The following AKAP8 variants were observed in gnomAD, a reference collection of about 807,000 sequenced individuals.
AKAP8 encodes the protein A-kinase anchor protein 8.
Under a neutral mutation model 67.5 loss-of-function variants are expected in AKAP8, and 24 were observed. The observed-to-expected ratio is 0.36, with a 90% confidence interval of 0.26 to 0.50. The LOEUF (loss-of-function observed/expected upper bound fraction) is 0.50. AKAP8 is among the 20% of genes least tolerant of loss of function. AKAP8 has a pLI of 0.97. For synonymous variants in AKAP8, 400 were observed against 371.1 expected (o/e 1.08, Z -0.90); for missense variants, 971 against 955.9 (o/e 1.02, Z -0.21).
chr19:15,357,239 G>A (rs143854995), intron 13 of AKAP8, among the ~76,000 whole-genome samples: 106 of 151,454 alleles, frequency 7.0e-4, no homozygotes, highest in African/African-American at 2.5e-3. Flanking sequence ...GATTACAGGC[G>A]TGAGCCACCA....
intron 7 of AKAP8, among the ~76,000 whole-genome samples, chr19:15,371,140 C>T (rs1967150187): frequency 6.6e-6 from 1 of 152,202 alleles, no homozygotes; most frequent in Non-Finnish European, 1.5e-5. Context: ...TGTTCCCTGC[C>T]TGTGTGACTC....
chr19:15,372,404 C>G (rs1599569828), intron 5 of AKAP8, 57 bp from the exon 6 acceptor site: 2 of 1,595,108 alleles, frequency 1.3e-6, no homozygotes, highest in Non-Finnish European at 1.7e-6. Flanking sequence ...AGATGCCCCA[C>G]AGAAAAGAAC....
chr19:15,370,270 A>AG, intron 7 of AKAP8, 91 bp from the exon 8 acceptor site: 1 of 1,468,980 alleles, frequency 6.8e-7, no homozygotes, highest in East Asian at 2.3e-5. Flanking sequence ...CCTGGTGGGC[A>AG]GTCTCACCCA....
chr19:15,361,617 G>A (rs906472956), intron 11 of AKAP8, 112 bp downstream of exon 11: 2 of 878,016 alleles, frequency 2.3e-6, no homozygotes, highest in African/African-American at 1.7e-5. Flanking sequence ...CTCCCAAAGT[G>A]CTGGGATTAC....
rs1203564968 is a variant in AKAP8 at position 15,355,319 on chromosome 19, C to T, written c.1675G>A (p.Asp559Asn). 6.2e-7 allele frequency: 1 copy of T among 1,613,828 alleles called. No homozygotes were observed. Among genetic ancestry groups the T allele is most frequent in the Admixed American group, 1.7e-5 (1 of 60,002 alleles). Residue 559 changes from aspartate (D) to asparagine (N), a missense_variant, in exon 14 of 14, where the codon GAC (aspartate) becomes AAC (asparagine). Coordinates refer to ENST00000269701, the MANE Select transcript of AKAP8 (RefSeq NM_005858.4). The stretch of plus-strand genomic sequence containing the variant: ...TTCTTATCCTCACCTCCTAAATTGT[C>T]ATCTCCTTCCATTTCTGGATCAACA... ...ETVDPEMEGD[D>N]NLGGEDKKET...
intron 1 of AKAP8, among the ~76,000 whole-genome samples, chr19:15,378,117 C>A (rs1297523850): frequency 6.6e-6 from 1 of 152,198 alleles, no homozygotes; most frequent in East Asian, 1.9e-4. Context: ...ACCCTGTTGT[C>A]CGGAATGCCA....
chr19:15,354,885 A>G lies in AKAP8; in HGVS notation c.*30T>C, dbSNP rs1335086058. 1 of 1,608,384 alleles carries G rather than the reference A, an allele frequency of 6.2e-7. No homozygotes were observed. Among genetic ancestry groups the G allele is most frequent in the African/African-American group, 1.3e-5 (1 of 74,990 alleles). ...GAAAGACCAACGCATCCATCATCCCAACGCCTTCCCTGGAACAGGGAAATG... is the reference window on the plus strand; with the variant it reads ...GAAAGACCAACGCATCCATCATCCCGACGCCTTCCCTGGAACAGGGAAATG... On this transcript the variant is annotated 3_prime_UTR_variant, in exon 14 of 14. Coordinates refer to ENST00000269701, the MANE Select transcript of AKAP8 (RefSeq NM_005858.4).
At chr19:15,360,526 A>G (rs951564727) in intron 12 of AKAP8, among the ~76,000 whole-genome samples, 1 of 152,174 alleles carries the variant, frequency 6.6e-6, no homozygotes, top group Non-Finnish European at 1.5e-5. Flanking sequence ...CCTTTAGTCC[A>G]AGTCCCCTGG....
chr19:15,360,876 T>C lies in AKAP8; in HGVS notation c.1499A>G (p.His500Arg), dbSNP rs369955411. The change falls in exon 12 of 14, where the codon CAC becomes CGC. Residue 500 changes from histidine to arginine, a missense_variant. Transcript: ENST00000269701. Reference sequence around the variant, plus strand: ...GCGGTTGTGATTGTGGTCCACGGAGTGCAGGTGCCGCTGGAGGAGCTGCGG... The same window carrying C: ...GCGGTTGTGATTGTGGTCCACGGAGCGCAGGTGCCGCTGGAGGAGCTGCGG... The part of the protein sequence containing the change: ...AQPQLLQRHL[H>R]SVDHNHNRRL... The C allele has an allele frequency of 6.8e-6, 11 of 1,613,324 alleles. No individual in the cohort carries two copies. In the Admixed American group the frequency reaches 8.3e-5, roughly 12 times the overall value.
chr19:15,379,684 C>G, intron 1 of AKAP8, 29 bp downstream of exon 1: 1 of 1,604,918 alleles, frequency 6.2e-7, no homozygotes, highest in Middle Eastern at 1.7e-4. Flanking sequence ...CCTTCCCTCC[C>G]CGCTCCGCAC....
At chr19:15,377,166 C>G (rs1256642284) in intron 1 of AKAP8, 152 bp from the exon 2 acceptor site, 5 of 824,090 alleles carry the variant, frequency 6.1e-6, no homozygotes, top group Non-Finnish European at 7.5e-6. Flanking sequence ...AGCCATCACA[C>G]AACTGGCTAA....
Position 15,355,363 on chromosome 19 carries a change from T to G in AKAP8, c.1631A>C (p.Asp544Ala), listed in dbSNP as rs1446120256. 1 of 1,611,530 alleles carries G rather than the reference T, an allele frequency of 6.2e-7. No homozygotes were observed. Among genetic ancestry groups the G allele is most frequent in the African/African-American group, 1.3e-5 (1 of 74,848 alleles). Residue 544 changes from aspartate to alanine, a missense_variant, in exon 14 of 14, where the codon GAC becomes GCC. Coordinates refer to ENST00000269701, the MANE Select transcript of AKAP8 (RefSeq NM_005858.4). ...ATCAACAGTTTCACTGGTGAAAGGG[T>G]CCTCACCCTGGCCAAAGAGGAAACA... ...KMLEKYLKGE[D>A]PFTSETVDPE...
At chr19:15,364,022 C>G (rs1456581831) in intron 9 of AKAP8, among the ~76,000 whole-genome samples, 1 of 139,992 alleles carries the variant, frequency 7.1e-6, no homozygotes, top group Non-Finnish European at 1.5e-5. Context: ...ACTGCCAAAT[C>G]TCCCTCTGCG....
chr19:15,373,438 A>G, intron 4 of AKAP8, 98 bp from the exon 5 acceptor site: 2 of 1,455,302 alleles, frequency 1.4e-6, no homozygotes, highest in South Asian at 2.9e-5. Context: ...CAAAACAGCA[A>G]ACCAAACCAC....
At chr19:15,361,524 G>C (rs1428295467) in intron 11 of AKAP8, 2 of 469,788 alleles carry the variant, frequency 4.3e-6, no homozygotes, top group East Asian at 4.2e-5. Flanking sequence ...CTAATTTTTT[G>C]TATTTTTTTA....
At position 15,369,795 on chromosome 19, in the gene AKAP8, A is replaced by G. The variant is rs1243683136; in HGVS notation, c.1072+351T>C. On this transcript the variant is annotated intron_variant, in intron 8 of 13. Coordinates refer to ENST00000269701, the MANE Select transcript of AKAP8 (RefSeq NM_005858.4). This position sits in a 1 kb window ranked among gnomAD's most constrained non-coding sequence, Gnocchi z 4.6. The stretch of plus-strand genomic sequence containing the variant: ...AGCCCCAGAGAAAACACTTCAGGGA[A>G]ATGCACTGGCCGAGGAGGGCACAGA... Among the ~76,000 whole-genome samples the G allele has an allele frequency of 2.0e-5, 3 of 152,196 alleles. No individual in the cohort carries two copies. Among genetic ancestry groups the G allele is most frequent in the Non-Finnish European group, 4.4e-5 (3 of 68,028 alleles).
At position 15,355,350 on chromosome 19, in the gene AKAP8, A is replaced by T; in HGVS notation, c.1644T>A (p.Ser548Arg). The change falls in exon 14 of 14, where the codon AGT (serine) becomes AGA (arginine). Residue 548 changes from serine to arginine, a missense_variant. Ser to Arg is a moderately radical substitution (Grantham distance 110). Transcript: ENST00000269701. Reference protein sequence around the residue: ...KYLKGEDPFTSETVDPEMEGD... With the variant: ...KYLKGEDPFTRETVDPEMEGD... ...CTTCCATTTCTGGATCAACAGTTTCACTGGTGAAAGGGTCCTCACCCTGGC... is the reference window on the plus strand; with the variant it reads ...CTTCCATTTCTGGATCAACAGTTTCTCTGGTGAAAGGGTCCTCACCCTGGC... 6.2e-7 allele frequency: 1 copy of T among 1,613,482 alleles called. No homozygotes were observed. The highest frequency in any genetic ancestry group is 8.5e-7 in the Non-Finnish European group (1 of 1,179,920).
chr19:15,353,822 A>T lies in AKAP8; in HGVS notation c.*1093T>A, dbSNP rs2048259883. On this transcript the variant is annotated 3_prime_UTR_variant, in exon 14 of 14. Coordinates refer to ENST00000269701, the MANE Select transcript of AKAP8 (RefSeq NM_005858.4). ...ATCTTCCAATTCTTCTGATTTTAGG[A>T]AATTCTGTTGCGTGCTAACCTTGAA... The T allele has an allele frequency of 6.6e-6, 1 of 152,148 alleles. No individual in the cohort carries two copies. The highest frequency in any genetic ancestry group is 2.4e-5 in the African/African-American group (1 of 41,440). 9.4% of individuals were successfully genotyped at this position (152,148 alleles called of 1,614,324 possible).
intron 13 of AKAP8, 59 bp from the exon 14 acceptor site, chr19:15,355,429 T>C (rs111237991): frequency 0.041 from 61,631 of 1,494,740 alleles, 1,429 homozygotes; most frequent in South Asian, 0.053. Flanking sequence ...AGGCCCATGA[T>C]TGCGGGGATG....
Sources: gnomAD v4.1 joint callset for allele counts (sites outside exome capture counted in the v4.1 genomes callset) on GRCh38, gnomAD v4.1.1 for gene constraint, Gnocchi (gnomAD v3.1) non-coding constraint, MANE v1.5 for transcripts, NCBI Gene and HGNC (gene_info 2026-07-23, HGNC 2026-07-21) for gene names.